KLF12: variants seen among roughly 807,000 people sequenced by gnomAD.
KLF12 encodes the protein KLF transcription factor 12.
Under a neutral mutation model 37.8 loss-of-function variants are expected in KLF12, and 9 were observed. That is an observed-to-expected ratio of 0.24 (90% CI 0.14 to 0.42). The LOEUF (loss-of-function observed/expected upper bound fraction) is 0.42, where lower values mean the gene tolerates loss of function less well. Ranked by LOEUF, KLF12 falls within the 10% of genes least tolerant of loss-of-function variation. The pLI is 1.00. For missense variants in KLF12, 411 were observed against 516.0 expected (o/e 0.80, Z 1.97); for synonymous variants, 208 against 202.1 (o/e 1.03, Z -0.25).
the KLF12 span, among the ~76,000 whole-genome samples, chr13:74,241,551 C>T: frequency 1.3e-5 from 2 of 151,986 alleles, no homozygotes; most frequent in Non-Finnish European, 2.9e-5. Flanking sequence ...GCCTCGCTGC[C>T]GCTGCTGCCT....
intron 1 of KLF12, among the ~76,000 whole-genome samples, chr13:74,127,478 G>A (rs1878006234): frequency 6.6e-6 from 1 of 152,146 alleles, no homozygotes; most frequent in Admixed American, 6.5e-5. Flanking sequence ...AGCAGGGGAT[G>A]ATAAATAAGA....
chr13:73,981,748 G>A (rs781323851), intron 2 of KLF12, among the ~76,000 whole-genome samples: 3 of 152,086 alleles, frequency 2.0e-5, no homozygotes, highest in Non-Finnish European at 2.9e-5. Flanking sequence ...GGTGATTTAC[G>A]AAGCTGCCTT....
At chr13:74,279,172 G>C in the KLF12 span, among the ~76,000 whole-genome samples, 1 of 152,044 alleles carries the variant, frequency 6.6e-6, no homozygotes, top group Non-Finnish European at 1.5e-5. Flanking sequence ...CCCTGGGGGA[G>C]AGTCTCTTCC....
At chr13:74,159,617 C>T in the KLF12 span, among the ~76,000 whole-genome samples, 8 of 152,180 alleles carry the variant, frequency 5.3e-5, no homozygotes, top group Non-Finnish European at 4.4e-5. Context: ...CCAAAGGAGA[C>T]AAGTTGCTGT....
chr13:73,973,134 A>G (rs774734823), intron 2 of KLF12, among the ~76,000 whole-genome samples: 4 of 152,242 alleles, frequency 2.6e-5, no homozygotes, highest in Non-Finnish European at 4.4e-5. Flanking sequence ...CAGGAAATGC[A>G]TAAAATAACT....
intron 1 of KLF12, among the ~76,000 whole-genome samples, chr13:74,020,254 G>T (rs1892806759): frequency 1.3e-5 from 2 of 152,128 alleles, no homozygotes; most frequent in African/African-American, 4.8e-5. Flanking sequence ...CTTAGAAAAA[G>T]CACGCAGTCC....
intron 3 of KLF12, among the ~76,000 whole-genome samples, chr13:73,931,757 A>G (rs1448486558): frequency 6.6e-6 from 1 of 151,992 alleles, no homozygotes; most frequent in Non-Finnish European, 1.5e-5. Context: ...TATATCTATG[A>G]TCAGAACCAA....
At chr13:73,853,464 C>T (rs1242340301) in intron 3 of KLF12, among the ~76,000 whole-genome samples, 1 of 152,128 alleles carries the variant, frequency 6.6e-6, no homozygotes, top group African/African-American at 2.4e-5. Context: ...GTAAGCAGGA[C>T]AGGCGTGGTG....
chr13:73,931,652 G>T (rs935737887), intron 3 of KLF12, among the ~76,000 whole-genome samples: 1 of 152,040 alleles, frequency 6.6e-6, no homozygotes, highest in African/African-American at 2.4e-5. Flanking sequence ...ATGTTATTTT[G>T]CAAAATTGCT....
chr13:74,170,373 C>T, the KLF12 span, among the ~76,000 whole-genome samples: 3 of 152,082 alleles, frequency 2.0e-5, no homozygotes, highest in African/African-American at 4.8e-5. Flanking sequence ...ATATATTTAA[C>T]ACACTTAACA....
intron 1 of KLF12, among the ~76,000 whole-genome samples, chr13:74,000,953 T>G (rs1450117590): frequency 6.6e-6 from 1 of 152,238 alleles, no homozygotes; most frequent in African/African-American, 2.4e-5. Context: ...GTCAAAAATC[T>G]GATTTGTACT....
At chr13:73,740,756 G>A (rs575789357) in intron 6 of KLF12, among the ~76,000 whole-genome samples, 7 of 152,260 alleles carry the variant, frequency 4.6e-5, no homozygotes, top group Non-Finnish European at 7.4e-5. Context: ...GCATTCTTCC[G>A]ACACCCTCTA....
At chr13:73,770,575 T>C (rs1333370405) in intron 5 of KLF12, among the ~76,000 whole-genome samples, 1 of 151,080 alleles carries the variant, frequency 6.6e-6, no homozygotes, top group Non-Finnish European at 1.5e-5. Context: ...CAGGCTGGAG[T>C]GCAGTGGTGC....
intron 3 of KLF12, among the ~76,000 whole-genome samples, chr13:73,932,858 A>G (rs912516194): frequency 6.6e-6 from 1 of 152,188 alleles, no homozygotes; most frequent in Non-Finnish European, 1.5e-5. Flanking sequence ...AAAACTTTTC[A>G]CAAGATCTAT....
At chr13:73,946,076 G>A (rs991306701) in intron 2 of KLF12, among the ~76,000 whole-genome samples, 1 of 152,146 alleles carries the variant, frequency 6.6e-6, no homozygotes, top group Admixed American at 6.5e-5. Context: ...CGACTCTCCG[G>A]AGTCTGGCAG....
intron 1 of KLF12, among the ~76,000 whole-genome samples, chr13:74,121,656 G>T (rs1419621119): frequency 6.6e-6 from 1 of 151,946 alleles, no homozygotes; most frequent in Non-Finnish European, 1.5e-5. Context: ...ATTATCCCAA[G>T]AATATATATA....
At chr13:74,107,884 T>A (rs1876740916) in intron 1 of KLF12, among the ~76,000 whole-genome samples, 1 of 152,184 alleles carries the variant, frequency 6.6e-6, no homozygotes, top group African/African-American at 2.4e-5. Context: ...CTTTACAAAG[T>A]TTTAAGCAAC....
intron 1 of KLF12, among the ~76,000 whole-genome samples, chr13:74,112,330 T>C (rs951024680): frequency 1.2e-4 from 18 of 148,422 alleles, no homozygotes; most frequent in Admixed American, 1.2e-3. Context: ...AAAAAGTTCT[T>C]TATACAGGCA....
intron 6 of KLF12, among the ~76,000 whole-genome samples, chr13:73,739,394 C>A (rs1318010841): frequency 6.6e-6 from 1 of 152,036 alleles, no homozygotes; most frequent in Non-Finnish European, 1.5e-5. Context: ...TCTCACTGTT[C>A]CCCAATTCTG....
Sources: allele counts gnomAD v4.1 joint callset (sites outside exome capture counted in the v4.1 genomes callset), GRCh38; gene constraint gnomAD v4.1.1; transcripts MANE v1.5; gene names NCBI Gene and HGNC (gene_info 2026-07-23, HGNC 2026-07-21).